UBD: variants seen among roughly 807,000 people sequenced by gnomAD.
UBD encodes the protein ubiquitin like modifier D.
In UBD, 1 loss-of-function variant was observed where a neutral mutation model predicts 2.3. That is an observed-to-expected ratio of 0.43 (90% CI 0.15 to 2.06). The LOEUF is 2.06. Ranked by LOEUF, UBD falls within the 30% of genes most tolerant of loss-of-function variation. UBD has a pLI of 0.29. For synonymous variants in UBD, 75 were observed against 76.5 expected (o/e 0.98, Z 0.10); for missense variants, 175 against 199.3 (o/e 0.88, Z 0.73).
At chr6:29,559,247 A>G (rs964325082) in intron 1 of UBD, among the ~76,000 whole-genome samples, 1 of 152,174 alleles carries the variant, frequency 6.6e-6, no homozygotes, top group African/African-American at 2.4e-5. Context: ...TCCATAGTGC[A>G]TATTTTCTTA....
intron 1 of UBD, chr6:29,556,563 A>C: frequency 1.9e-6 from 1 of 517,408 alleles, no homozygotes; most frequent in Non-Finnish European, 3.4e-6. Context: ...TTATAATCAC[A>C]CCTTTTTTTC....
Position 29,555,773 on chromosome 6 carries a change from T to G in UBD, c.*107A>C. On this transcript the variant is annotated 3_prime_UTR_variant, in exon 2 of 2. Coordinates refer to ENST00000377050, the MANE Select transcript of UBD (RefSeq NM_006398.4). ...TCCCACCCAAATCTTACTCTACTCATCTCATTCTCATTAATTTTGGGAAAT... is the reference window on the plus strand; with the variant it reads ...TCCCACCCAAATCTTACTCTACTCAGCTCATTCTCATTAATTTTGGGAAAT... 1 of 846,768 alleles carries G rather than the reference T, an allele frequency of 1.2e-6. No homozygotes were observed. The highest frequency in any genetic ancestry group is 1.9e-6 in the Non-Finnish European group (1 of 540,486). The allele number at this position is 846,768 out of a possible 1,614,324, so 52.5% of individuals were successfully genotyped here. A position where few individuals can be genotyped will look rare whatever the true frequency, so the allele number is the denominator to read the frequency against.
intron 1 of UBD, chr6:29,557,687 A>G (rs879882672): frequency 6.6e-6 from 1 of 152,224 alleles, no homozygotes; most frequent in Non-Finnish European, 1.5e-5. Flanking sequence ...TTGGTTTTCA[A>G]TCAGAAGCAA....
At chr6:29,559,596 G>A (rs1197980548) in intron 1 of UBD, 79 bp downstream of exon 1, 28 of 1,525,334 alleles carry the variant, frequency 1.8e-5, no homozygotes, top group Non-Finnish European at 2.4e-5. Context: ...GTACTGCCCA[G>A]CCCCCGTTTC....
intron 1 of UBD, 96 bp downstream of exon 1, chr6:29,559,579 G>C: frequency 7.5e-7 from 1 of 1,340,710 alleles, no homozygotes; most frequent in South Asian, 1.2e-5. Context: ...GCCCCCCAGA[G>C]CCCTGAGTAC....
At chr6:29,559,561 CCTGCCCAGCCCCCCAGAGCCCTGAGTA>C (rs1762699048) in intron 1 of UBD, 87 bp downstream of exon 1, 2 of 1,066,754 alleles carry the variant, frequency 1.9e-6, no homozygotes, top group East Asian at 2.4e-5. Flanking sequence ...CTGAAGGATG[CCTGCCCAGCCCCCCAGAGCCCTGAGTA>C]CTGCCCAGCC....
intron 1 of UBD, among the ~76,000 whole-genome samples, chr6:29,558,548 T>A (rs1474630597): frequency 6.6e-6 from 1 of 152,176 alleles, no homozygotes; most frequent in African/African-American, 2.4e-5. Context: ...ACTCTTCTGG[T>A]CTATGTTTCT....
At chr6:29,558,246 G>A (rs761785534) in intron 1 of UBD, among the ~76,000 whole-genome samples, 1 of 152,134 alleles carries the variant, frequency 6.6e-6, no homozygotes, top group Non-Finnish European at 1.5e-5. Context: ...TTCCTAGGCC[G>A]ACTAAGAATC....
Position 29,555,955 on chromosome 6 carries a change from A to C in UBD, c.423T>G (p.Asp141Glu). 6.2e-7 allele frequency: 1 copy of C among 1,613,000 alleles called. No individual in the cohort carries two copies. Among genetic ancestry groups the C allele is most frequent in the Non-Finnish European group, 8.5e-7 (1 of 1,180,026 alleles). The change falls in exon 2 of 2, where the codon GAT (aspartate) becomes GAG (glutamate). Residue 141 changes from aspartate to glutamate, a missense_variant. Asp to Glu is a conservative substitution (Grantham distance 45). Transcript: ENST00000377050. The stretch of plus-strand genomic sequence containing the variant: ...TGCCGTAATCTGCCATCATCTTCCC[A>C]TCTTCCAGTCTCTTTCCATTGCAAG... ...IVTCNGKRLEDGKMMADYGIR... is the reference protein window; with the variant it reads ...IVTCNGKRLEEGKMMADYGIR...
Position 29,556,380 on chromosome 6 carries a change from C to G in UBD, c.28-30G>C, listed in dbSNP as rs118021551. 106 of 1,565,608 alleles carry G rather than the reference C, an allele frequency of 6.8e-5. 1 individual carries two copies. In the Middle Eastern group the frequency reaches 8.4e-4, roughly 12 times the overall value. On this transcript the variant is annotated intron_variant, in intron 1 of 1. Coordinates refer to ENST00000377050, the MANE Select transcript of UBD (RefSeq NM_006398.4). ...GAAGTGAAAGCCACAAGACAGTTAC[C>G]TAGGATGCCTGCCTCCTTTACACTT...
In UBD at chr6:29,555,804, G is replaced by T. The variant is rs1762478186; in HGVS notation, c.*76C>A. 3 of 1,206,888 alleles carry T rather than the reference G, an allele frequency of 2.5e-6. No homozygotes were observed. Among genetic ancestry groups the T allele is most frequent in the Admixed American group, 2.0e-5 (1 of 50,014 alleles). 74.8% of individuals were successfully genotyped at this position (1,206,888 alleles called of 1,614,324 possible). On this transcript the variant is annotated 3_prime_UTR_variant, in exon 2 of 2. Coordinates refer to ENST00000377050, the MANE Select transcript of UBD (RefSeq NM_006398.4). ...TCTCATTAATTTTGGGAAATCATCAGAAGATGTGTTCGTTGAGTAAGAGAT... is the reference window on the plus strand; with the variant it reads ...TCTCATTAATTTTGGGAAATCATCATAAGATGTGTTCGTTGAGTAAGAGAT...
intron 1 of UBD, among the ~76,000 whole-genome samples, chr6:29,558,055 T>A (rs1251346273): frequency 6.6e-6 from 1 of 152,246 alleles, no homozygotes; most frequent in Non-Finnish European, 1.5e-5. Context: ...CCTCTGTCAA[T>A]ACTTCAGAAG....
chr6:29,555,940 T>G lies in UBD; in HGVS notation c.438A>C (p.Ala146=). 6.2e-7 allele frequency: 1 copy of G among 1,613,122 alleles called. No homozygotes were observed. Among genetic ancestry groups the G allele is most frequent in the Non-Finnish European group, 8.5e-7 (1 of 1,180,042 alleles). ...AGTTGCCCTTTCTGATGCCGTAATC[T>G]GCCATCATCTTCCCATCTTCCAGTC... ...GKRLEDGKMM[A]DYGIRKGNLL... is the part of the protein sequence containing the mutation. The change falls in exon 2 of 2, where the codon GCA becomes GCC. Residue 146 remains alanine, a synonymous_variant. Transcript: ENST00000377050.
In UBD at chr6:29,555,562, G is replaced by C. The variant is rs1762467757; in HGVS notation, c.*318C>G. ...CTCTTGTCATAAAGGAAAGGAGATA[G>C]GAGTTTTTGCATAAATAACAAGGTA... On this transcript the variant is annotated 3_prime_UTR_variant, in exon 2 of 2. Coordinates refer to ENST00000377050, the MANE Select transcript of UBD (RefSeq NM_006398.4). The C allele has an allele frequency of 6.1e-6, 2 of 330,290 alleles. No homozygotes were observed. The highest frequency in any genetic ancestry group is 1.1e-5 in the Non-Finnish European group (2 of 183,310). The allele number at this position is 330,290 out of a possible 1,614,324, so 20.5% of individuals were successfully genotyped here.
intron 1 of UBD, chr6:29,557,778 T>C (rs781108740): frequency 1.1e-4 from 16 of 142,836 alleles, no homozygotes; most frequent in Middle Eastern, 3.5e-3. Context: ...AATTTATGAA[T>C]TGTGTGATTT....
intron 1 of UBD, 56 bp downstream of exon 1, chr6:29,559,619 C>G: frequency 6.2e-7 from 1 of 1,604,538 alleles, no homozygotes; most frequent in Non-Finnish European, 8.5e-7. Flanking sequence ...AGATCTCTCC[C>G]CAACTCTTGA....
chr6:29,556,010 GTCTTAGTCTCGA>G lies in UBD; in HGVS notation c.356_367del (p.Ile119_Lys122del). The G allele has an allele frequency of 6.2e-7, 1 of 1,613,046 alleles. No homozygotes were observed. Among genetic ancestry groups the G allele is most frequent in the Non-Finnish European group, 8.5e-7 (1 of 1,180,042 alleles). Reference sequence around the variant, plus strand: ...AATCTGGGTCTCAGGGATTATACCCGTCTTAGTCTCGATCATTGCTTTCACTTGTGCCACTGA... The same window carrying G: ...AATCTGGGTCTCAGGGATTATACCCGTCATTGCTTTCACTTGTGCCACTGA... On this transcript the variant is annotated inframe_deletion, in exon 2 of 2. Coordinates refer to ENST00000377050, the MANE Select transcript of UBD (RefSeq NM_006398.4).
chr6:29,555,696 T>C lies in UBD; in HGVS notation c.*184A>G. 1.7e-6 allele frequency: 1 copy of C among 579,144 alleles called. No individual in the cohort carries two copies. Among genetic ancestry groups the C allele is most frequent in the Non-Finnish European group, 3.0e-6 (1 of 328,684 alleles). The allele number at this position is 579,144 out of a possible 1,614,324, so 35.9% of individuals were successfully genotyped here. A position where few individuals can be genotyped will look rare whatever the true frequency, so the allele number is the denominator to read the frequency against. On this transcript the variant is annotated 3_prime_UTR_variant, in exon 2 of 2. Coordinates refer to ENST00000377050, the MANE Select transcript of UBD (RefSeq NM_006398.4). ...GTAAAAATCATGTCACTTAATTAAT[T>C]GTGTTAGAATCAAAGAAACATAGAG...
intron 1 of UBD, among the ~76,000 whole-genome samples, chr6:29,558,046 C>T (rs115392644): frequency 0.026 from 3,943 of 152,288 alleles, 143 homozygotes; most frequent in African/African-American, 0.075. Flanking sequence ...ATAGGATACC[C>T]TCTGTCAATA....
Sources: gnomAD v4.1 joint callset for allele counts (sites outside exome capture counted in the v4.1 genomes callset) on GRCh38, gnomAD v4.1.1 for gene constraint, MANE v1.5 for transcripts, NCBI Gene and HGNC (gene_info 2026-07-23, HGNC 2026-07-21) for gene names.